Variants in VWDE observed in about 807,000 individuals in gnomAD.
VWDE encodes the protein von Willebrand factor D and EGF domain-containing protein.
In VWDE, 207 loss-of-function variants were observed where a neutral mutation model predicts 178.4. That is an observed-to-expected ratio of 1.16 (90% confidence interval 1.04 to 1.30). The LOEUF is 1.30. Ranked by LOEUF, VWDE falls within the 50% of genes most tolerant of loss-of-function variation. VWDE has a pLI of 0.00. For synonymous variants in VWDE, 738 were observed against 651.4 expected (o/e 1.13, Z -2.02); for missense variants, 2,287 against 1,901.3 (o/e 1.20, Z -3.77).
chr7:12,349,492 A>G (rs376309462), intron 19 of VWDE, among the ~76,000 whole-genome samples: 3 of 151,402 alleles, frequency 2.0e-5, no homozygotes, highest in East Asian at 3.9e-4. Context: ...GCTATAAATA[A>G]AAGATTTAAA....
At chr7:12,377,702 G>A in intron 7 of VWDE, 74 bp downstream of exon 7, 2 of 1,000,458 alleles carry the variant, frequency 2.0e-6, no homozygotes, top group Non-Finnish European at 2.7e-6. Flanking sequence ...ACACTCCAGT[G>A]ACTTTTCCTA....
At chr7:12,357,565 A>G in intron 16 of VWDE, 50 bp from the exon 17 acceptor site, 1 of 1,538,356 alleles carries the variant, frequency 6.5e-7, no homozygotes, top group Non-Finnish European at 8.8e-7. Flanking sequence ...AAAAGGAATG[A>G]AGTGTACTTC....
rs545591445 is a variant in VWDE at position 12,331,140 on chromosome 7, C to T, written c.*43G>A. The stretch of plus-strand genomic sequence containing the variant: ...CAACTTTTTCTGAACAAAATATTTC[C>T]ATTCTTAAGATACAGGCTTGTAATT... On this transcript the variant is annotated 3_prime_UTR_variant, in exon 29 of 29. Coordinates refer to ENST00000275358, the MANE Select transcript of VWDE (RefSeq NM_001135924.3). The T allele has an allele frequency of 1.5e-5, 22 of 1,496,034 alleles. No homozygotes were observed. The highest frequency in any genetic ancestry group is 9.9e-5 in the East Asian group (4 of 40,266). The allele number at this position is 1,496,034 out of a possible 1,614,324, so 92.7% of individuals were successfully genotyped here. A position where few individuals can be genotyped will look rare whatever the true frequency, so the allele number is the denominator to read the frequency against.
At chr7:12,361,094 G>T in intron 15 of VWDE, 53 bp downstream of exon 15, 1 of 1,146,904 alleles carries the variant, frequency 8.7e-7, no homozygotes, top group South Asian at 1.5e-5. Flanking sequence ...CACAGCATAG[G>T]AAATGAAAAT....
chr7:12,349,173 A>T (rs980708345), intron 19 of VWDE, among the ~76,000 whole-genome samples: 1 of 151,962 alleles, frequency 6.6e-6, no homozygotes, highest in Non-Finnish European at 1.5e-5. Context: ...ACATGTATAC[A>T]TATGTAACTA....
intron 1 of VWDE, among the ~76,000 whole-genome samples, chr7:12,400,125 AG>A (rs2128565525): frequency 6.6e-6 from 1 of 152,288 alleles, no homozygotes; most frequent in Non-Finnish European, 1.5e-5. Context: ...TAGGAGAAAA[AG>A]ATGAACATCA....
chr7:12,384,454 T>C (rs969376768), intron 3 of VWDE, among the ~76,000 whole-genome samples: 7 of 151,940 alleles, frequency 4.6e-5, no homozygotes, highest in African/African-American at 1.5e-4. Context: ...TCCAAACCCA[T>C]AGAATTTACA....
At chr7:12,393,900 A>T in intron 1 of VWDE, 122 bp from the exon 2 acceptor site, 1 of 746,068 alleles carries the variant, frequency 1.3e-6, no homozygotes, top group Non-Finnish European at 2.0e-6. Context: ...TTGCACATAA[A>T]GACCCTCTGA....
intron 28 of VWDE, among the ~76,000 whole-genome samples, chr7:12,333,055 G>A (rs1780816764): frequency 6.6e-6 from 1 of 152,078 alleles, no homozygotes; most frequent in Non-Finnish European, 1.5e-5. Context: ...CTCGGCTGTT[G>A]ATATTTGGAA....
chr7:12,393,602 A>G lies in VWDE; in HGVS notation c.235T>C (p.Cys79Arg). ...LDRPAEMPTKCVEMNHCGTQA... is the reference protein window; with the variant it reads ...LDRPAEMPTKRVEMNHCGTQA... The stretch of plus-strand genomic sequence containing the variant: ...TTAGGGAGTTGACATACCTCAACAC[A>G]TTTGGTTGGCATCTCGGCAGGTCTG... The change falls in exon 2 of 29, where the codon TGT (cysteine) becomes CGT (arginine). Residue 79 changes from cysteine to arginine, a missense_variant. Physicochemically the swap from Cys to Arg is radical, Grantham distance 180. Coordinates refer to ENST00000275358, the MANE Select transcript of VWDE (RefSeq NM_001135924.3). 1 of 1,548,438 alleles carries G rather than the reference A, an allele frequency of 6.5e-7. No homozygotes were observed. The highest frequency in any genetic ancestry group is 8.7e-7 in the Non-Finnish European group (1 of 1,145,494).
At chr7:12,377,694 A>C in intron 7 of VWDE, 82 bp downstream of exon 7, 1 of 871,320 alleles carries the variant, frequency 1.1e-6, no homozygotes, top group Non-Finnish European at 1.6e-6. Context: ...ATATGAGTAC[A>C]CTCCAGTGAC....
intron 23 of VWDE, among the ~76,000 whole-genome samples, chr7:12,340,774 A>C (rs977510793): frequency 7.9e-5 from 12 of 152,188 alleles, no homozygotes; most frequent in Admixed American, 2.0e-4. Flanking sequence ...AAACGATTGC[A>C]AGTTAAGAGA....
In VWDE at chr7:12,389,112, C is replaced by CT. The variant is rs757005073; in HGVS notation, c.475+14dup. On this transcript the variant is annotated intron_variant, in intron 3 of 28. Coordinates refer to ENST00000275358, the MANE Select transcript of VWDE (RefSeq NM_001135924.3). Reference sequence around the variant, plus strand: ...CCATGAATAACAGTCATGTGAATTACTGGTGTTTTCTTACCTTCCGCACAG... The same window carrying CT: ...CCATGAATAACAGTCATGTGAATTACTTGGTGTTTTCTTACCTTCCGCACAG... The CT allele has an allele frequency of 2.7e-6, 4 of 1,461,494 alleles. No individual in the cohort carries two copies. The South Asian group carries it at 4.9e-5, about 18-fold the overall frequency. 90.5% of individuals were successfully genotyped at this position (1,461,494 alleles called of 1,614,324 possible).
chr7:12,396,297 G>A (rs928906761), intron 1 of VWDE, among the ~76,000 whole-genome samples: 2 of 152,010 alleles, frequency 1.3e-5, no homozygotes, highest in African/African-American at 2.4e-5. Context: ...ATTCAGAACT[G>A]GTTAATAAAC....
intron 19 of VWDE, 62 bp downstream of exon 19, chr7:12,351,511 C>A: frequency 6.8e-7 from 1 of 1,463,100 alleles, no homozygotes. Context: ...ATATGTTGGT[C>A]TTCTAGAAAA....
At chr7:12,341,524 C>T (rs1022666723) in intron 23 of VWDE, among the ~76,000 whole-genome samples, 3 of 151,572 alleles carry the variant, frequency 2.0e-5, no homozygotes, top group Non-Finnish European at 4.4e-5. Flanking sequence ...CCCAGCTACT[C>T]GGGAGGCTGA....
At chr7:12,359,431 C>A (rs1782448223) in intron 16 of VWDE, 147 bp downstream of exon 16, 3 of 539,854 alleles carry the variant, frequency 5.6e-6, no homozygotes, top group South Asian at 2.8e-5. Flanking sequence ...ATATCCTATA[C>A]CCTCAACGTA....
In VWDE at chr7:12,344,479, A is replaced by G; in HGVS notation, c.3887-10T>C. Reference sequence around the variant, plus strand: ...GGATATTTACAAATGGCTAAAAAAAAATCAAAGAAAAAAAGGTTGATTGCT... The same window carrying G: ...GGATATTTACAAATGGCTAAAAAAAGATCAAAGAAAAAAAGGTTGATTGCT... On this transcript the variant is annotated splice_polypyrimidine_tract_variant and intron_variant, in intron 19 of 28. Transcript: ENST00000275358. 2.6e-6 allele frequency: 4 copies of G among 1,543,116 alleles called. No individual in the cohort carries two copies. The highest frequency in any genetic ancestry group is 3.5e-6 in the Non-Finnish European group (4 of 1,142,836).
Position 12,370,277 on chromosome 7 carries a change from G to C in VWDE, c.2029C>G (p.Leu677Val). 1 of 1,551,084 alleles carries C rather than the reference G, an allele frequency of 6.4e-7. No homozygotes were observed. The highest frequency in any genetic ancestry group is 8.7e-7 in the Non-Finnish European group (1 of 1,146,842). ...VTSEYINSDT[L>V]VREINKHTSP... ...GTATGCTTGTTTATCTCTCTGACAA[G>C]AGTGTCTGAATTAATATATTCGGAG... The change falls in exon 12 of 29, where the codon CTT (leucine) becomes GTT (valine). Residue 677 changes from leucine to valine, a missense_variant. Physicochemically the swap from Leu to Val is conservative, Grantham distance 32. Transcript: ENST00000275358.
Sources: allele counts gnomAD v4.1 joint callset (sites outside exome capture counted in the v4.1 genomes callset), GRCh38; gene constraint gnomAD v4.1.1; transcripts MANE v1.5; gene names NCBI Gene and HGNC (gene_info 2026-07-23, HGNC 2026-07-21).